Variants in R3HDM2 observed in about 807,000 individuals in gnomAD.
The protein encoded by R3HDM2 is R3H domain containing 2.
In R3HDM2, 38 loss-of-function variants were observed where a neutral mutation model predicts 124.5. The observed-to-expected ratio is 0.31, with a 90% CI of 0.24 to 0.40. The LOEUF is 0.40. Ranked by LOEUF, R3HDM2 falls within the 10% of genes least tolerant of loss-of-function variation. The probability of loss-of-function intolerance (pLI) is 1.00; values close to 1 mark genes in which losing one functional copy is unlikely to be tolerated. For missense variants in R3HDM2, 869 were observed against 1,236.9 expected (o/e 0.70, Z 4.46); for synonymous variants, 391 against 448.0 (o/e 0.87, Z 1.61).
In R3HDM2 at chr12:57,346,021, G is replaced by A. The variant is rs373696147; in HGVS notation, c.-35-35558C>T. ...CCAAAAATACAAAAATTAGCCGGGCGTGGTGGTGGGTGCCTGTAATCCCAG... is the reference window on the plus strand; with the variant it reads ...CCAAAAATACAAAAATTAGCCGGGCATGGTGGTGGGTGCCTGTAATCCCAG... On this transcript the variant is annotated intron_variant, in intron 2 of 23. Transcript: ENST00000402412. Among the ~76,000 whole-genome samples the A allele has an allele frequency of 1.1e-4, 17 of 152,144 alleles. No homozygotes were observed. The East Asian group carries it at 3.1e-3, about 28-fold the overall frequency.
chr12:57,345,034 ATGT>A lies in R3HDM2; in HGVS notation c.-35-34574_-35-34572del, dbSNP rs1477552098. Among the ~76,000 whole-genome samples, 3 of 152,150 alleles carry A rather than the reference ATGT, an allele frequency of 2.0e-5. No homozygotes were observed. The East Asian group carries it at 5.8e-4, about 29-fold the overall frequency. ...TTTTTAGTAGATACTGGGTTTCTCC[ATGT>A]TGGTCAGGCTGGTATCAAACTCCCG... On this transcript the variant is annotated intron_variant, in intron 2 of 23. Coordinates refer to ENST00000402412, the MANE Select transcript of R3HDM2 (RefSeq NM_001394031.1).
intron 2 of R3HDM2, among the ~76,000 whole-genome samples, chr12:57,311,469 G>A (rs2053899158): frequency 6.6e-6 from 1 of 151,894 alleles, no homozygotes; most frequent in African/African-American, 2.4e-5. Context: ...CTCGTGATCC[G>A]CCCGCCTCAG....
chr12:57,268,922 T>G lies in R3HDM2; in HGVS notation c.1875A>C (p.Gln625His). The change falls in exon 17 of 24, where the codon CAA becomes CAC. Residue 625 changes from glutamine to histidine, a missense_variant and splice_region_variant. Transcript: ENST00000402412. ...VVQYTPLPSY[Q>H]VPVGSDSQNV... Reference sequence around the variant, plus strand: ...CCTTCCCAATGCAGAATGCACCCACTTGGTAAGAAGGCAGTGGAGTGTACT... The same window carrying G: ...CCTTCCCAATGCAGAATGCACCCACGTGGTAAGAAGGCAGTGGAGTGTACT... 1 of 1,613,720 alleles carries G rather than the reference T, an allele frequency of 6.2e-7. No homozygotes were observed. Among genetic ancestry groups the G allele is most frequent in the Non-Finnish European group, 8.5e-7 (1 of 1,179,864 alleles).
In R3HDM2 at chr12:57,389,997, G is replaced by C. The variant is rs147238890; in HGVS notation, c.-36+5752C>G. Among the ~76,000 whole-genome samples, 64 of 152,068 alleles carry C rather than the reference G, an allele frequency of 4.2e-4. 1 individual carries two copies. In the East Asian group the frequency reaches 0.011, roughly 25 times the overall value. ...CATCAGAAGTATCTTTTTTGTCTGA[G>C]CTCTATTTGGCTGCCGTTCCCTTTT... is the stretch of plus-strand genomic sequence containing the variant. On this transcript the variant is annotated intron_variant, in intron 2 of 23. Coordinates refer to ENST00000402412, the MANE Select transcript of R3HDM2 (RefSeq NM_001394031.1).
intron 2 of R3HDM2, among the ~76,000 whole-genome samples, chr12:57,316,356 TTC>T (rs768526592): frequency 1.1e-4 from 16 of 152,200 alleles, no homozygotes; most frequent in South Asian, 2.1e-4. Flanking sequence ...ATTGTGGTAA[TTC>T]TGTTTCCTTT....
chr12:57,370,946 A>C (rs1254112066), intron 2 of R3HDM2, among the ~76,000 whole-genome samples: 2 of 152,148 alleles, frequency 1.3e-5, no homozygotes, highest in African/African-American at 4.8e-5. Context: ...AAAAGAAATC[A>C]CTGAGCAGTG....
At chr12:57,335,104 T>G (rs2058683616) in intron 2 of R3HDM2, among the ~76,000 whole-genome samples, 1 of 151,952 alleles carries the variant, frequency 6.6e-6, no homozygotes, top group Non-Finnish European at 1.5e-5. Context: ...ATTGGGCCAT[T>G]GCACTCCAGC....
chr12:57,349,875 T>C (rs2060501958), intron 2 of R3HDM2, among the ~76,000 whole-genome samples: 1 of 151,700 alleles, frequency 6.6e-6, no homozygotes, highest in South Asian at 2.1e-4. Flanking sequence ...ATGGTTTTAA[T>C]GTTGTCTGTC....
rs1287425427 is a variant in R3HDM2, at chr12:57,299,496, T to A, written c.295-18A>T. On this transcript the variant is annotated intron_variant, in intron 5 of 23. Coordinates refer to ENST00000402412, the MANE Select transcript of R3HDM2 (RefSeq NM_001394031.1). ...ATTATATCCTTAAGGGGAAAAAGGATAATCAAAGGGGGAAAAAGATTTTAA... is the reference window on the plus strand; with the variant it reads ...ATTATATCCTTAAGGGGAAAAAGGAAAATCAAAGGGGGAAAAAGATTTTAA... 2 of 1,542,306 alleles carry A rather than the reference T, an allele frequency of 1.3e-6. No homozygotes were observed. The highest frequency in any genetic ancestry group is 2.0e-5 in the Admixed American group (1 of 50,630).
chr12:57,361,432 TC>T (rs966036613), intron 2 of R3HDM2, among the ~76,000 whole-genome samples: 2 of 140,424 alleles, frequency 1.4e-5, no homozygotes, highest in African/African-American at 5.2e-5. Context: ...ATGGCTGTAA[TC>T]CCTACACTTT....
intron 2 of R3HDM2, among the ~76,000 whole-genome samples, chr12:57,317,202 G>A (rs1444162423): frequency 4.7e-5 from 7 of 148,926 alleles, no homozygotes; most frequent in African/African-American, 1.7e-4. Context: ...TTTTTTGTTT[G>A]TTTTTTTGTT....
chr12:57,286,841 G>T (rs2047457282), intron 12 of R3HDM2, among the ~76,000 whole-genome samples: 1 of 152,044 alleles, frequency 6.6e-6, no homozygotes, highest in South Asian at 2.1e-4. Context: ...TCATGCCATT[G>T]CACTCCAGCC....
intron 2 of R3HDM2, among the ~76,000 whole-genome samples, chr12:57,392,054 T>C (rs898211668): frequency 6.6e-6 from 1 of 152,054 alleles, no homozygotes; most frequent in Non-Finnish European, 1.5e-5. Flanking sequence ...TCCCAGCAAT[T>C]TGGGAGGCCA....
intron 2 of R3HDM2, among the ~76,000 whole-genome samples, chr12:57,326,734 AGAG>A (rs1224678976): frequency 2.6e-5 from 4 of 152,248 alleles, no homozygotes; most frequent in African/African-American, 2.4e-5. Context: ...TCATAGCTAG[AGAG>A]GAGAAGTCAA....
At chr12:57,312,507 G>A (rs973155263) in intron 2 of R3HDM2, among the ~76,000 whole-genome samples, 1 of 152,042 alleles carries the variant, frequency 6.6e-6, no homozygotes, top group Non-Finnish European at 1.5e-5. Context: ...GCTGCCTGGA[G>A]ACTTGGTTTA....
At chr12:57,334,049 G>A (rs188736623) in intron 2 of R3HDM2, among the ~76,000 whole-genome samples, 16 of 150,488 alleles carry the variant, frequency 1.1e-4, no homozygotes, top group Non-Finnish European at 1.9e-4. Context: ...AAAAAAAAAA[G>A]AAAAAGAAAG....
At chr12:57,422,134 T>A (rs2070281444) in intron 1 of R3HDM2, among the ~76,000 whole-genome samples, 1 of 150,436 alleles carries the variant, frequency 6.6e-6, no homozygotes, top group Non-Finnish European at 1.5e-5. Flanking sequence ...AGTCCATCTA[T>A]CCCTCTGCAC....
chr12:57,270,098 T>G (rs555720185), intron 14 of R3HDM2, 104 bp from the exon 15 acceptor site: 2 of 1,373,666 alleles, frequency 1.5e-6, no homozygotes, highest in East Asian at 2.3e-5. Flanking sequence ...CAACCTTCTT[T>G]AAAACAATGG....
intron 2 of R3HDM2, among the ~76,000 whole-genome samples, chr12:57,328,551 G>T (rs1000332225): frequency 6.6e-6 from 1 of 151,984 alleles, no homozygotes; most frequent in Admixed American, 6.6e-5. Context: ...TTGAGACAGG[G>T]TCTCTCAGTA....
Sources: allele counts gnomAD v4.1 joint callset (sites outside exome capture counted in the v4.1 genomes callset), GRCh38; gene constraint gnomAD v4.1.1; transcripts MANE v1.5; gene names NCBI Gene and HGNC (gene_info 2026-07-23, HGNC 2026-07-21).